RGS7: variants seen among roughly 807,000 people sequenced by gnomAD.
The protein encoded by RGS7 is regulator of G-protein signaling 7.
A neutral mutation model predicts 81.1 loss-of-function variants in RGS7; 27 were observed. The observed-to-expected ratio is 0.33, with a 90% confidence interval of 0.25 to 0.46. The LOEUF (loss-of-function observed/expected upper bound fraction) is 0.46. RGS7 is among the 20% of genes least tolerant of loss of function. The probability of loss-of-function intolerance (pLI) is 1.00; values close to 1 mark genes in which losing one functional copy is unlikely to be tolerated. For missense variants in RGS7, 396 were observed against 607.4 expected (o/e 0.65, Z 3.66); for synonymous variants, 208 against 207.7 (o/e 1.00, Z -0.01).
intron 6 of RGS7, among the ~76,000 whole-genome samples, chr1:240,881,279 C>T (rs140364034): frequency 0.016 from 2,338 of 141,928 alleles, 40 homozygotes; most frequent in Middle Eastern, 0.06. Context: ...TGTTCTCACT[C>T]ATAGGTGGGA....
At chr1:240,958,958 G>A (rs1365324581) in intron 4 of RGS7, among the ~76,000 whole-genome samples, 3 of 152,200 alleles carry the variant, frequency 2.0e-5, no homozygotes, top group African/African-American at 7.2e-5. Context: ...AGACAGGCAG[G>A]CACGCTGCTT....
Position 240,831,630 on chromosome 1 carries a change from C to CTTTTTTTTTTTTTTTT in RGS7, c.610-4474_610-4459dup, listed in dbSNP as rs767275119. Among the ~76,000 whole-genome samples, 3 of 135,400 alleles carry CTTTTTTTTTTTTTTTT rather than the reference C, an allele frequency of 2.2e-5. 1 individual carries two copies. The highest frequency in any genetic ancestry group is 1.6e-5 in the Non-Finnish European group (1 of 62,526). 88.8% of individuals were successfully genotyped at this position (135,400 alleles called of 152,430 possible). A position where few individuals can be genotyped will look rare whatever the true frequency, so the allele number is the denominator to read the frequency against. ...ATGACAACAGAACATTCCAGACATC[C>CTTTTTTTTTTTTTTTT]TTTTTTTTTTTTTTTTTTTCCTGAG... On this transcript the variant is annotated intron_variant, in intron 9 of 18. Coordinates refer to ENST00000440928, the MANE Select transcript of RGS7 (RefSeq NM_001364886.1).
In RGS7 at chr1:241,271,117, T is replaced by C. The variant is rs775279322; in HGVS notation, c.78+84582A>G. On this transcript the variant is annotated intron_variant, in intron 2 of 18. Coordinates refer to ENST00000440928, the MANE Select transcript of RGS7 (RefSeq NM_001364886.1). The surrounding 1 kb of genome is among the most constrained non-coding windows in gnomAD (Gnocchi z 4.6). ...AAGCATTCATCATTGCCGACCTGTG[T>C]GGAATGTGAACCTGAGTATTTTCTA... is the stretch of plus-strand genomic sequence containing the variant. Among the ~76,000 whole-genome samples the C allele has an allele frequency of 3.9e-5, 6 of 152,194 alleles. No individual in the cohort carries two copies. Among genetic ancestry groups the C allele is most frequent in the Non-Finnish European group, 8.8e-5 (6 of 68,028 alleles).
At position 241,252,105 on chromosome 1, in the gene RGS7, G is replaced by A. The variant is rs948758088; in HGVS notation, c.78+103594C>T. Among the ~76,000 whole-genome samples, 5 of 150,352 alleles carry A rather than the reference G, an allele frequency of 3.3e-5. No individual in the cohort carries two copies. In the East Asian group the frequency reaches 5.9e-4, roughly 18 times the overall value. On this transcript the variant is annotated intron_variant, in intron 2 of 18. Coordinates refer to ENST00000440928, the MANE Select transcript of RGS7 (RefSeq NM_001364886.1). ...GTCACCCAGGCTGGAGTGCAATGGT[G>A]TGACCTCGGCTCACTGCAACCTCCA...
intron 2 of RGS7, among the ~76,000 whole-genome samples, chr1:241,325,503 A>G (rs921246769): frequency 1.3e-5 from 2 of 152,220 alleles, no homozygotes; most frequent in Non-Finnish European, 2.9e-5. Flanking sequence ...GGCATCTTTC[A>G]TGTATGCCTA....
chr1:241,012,759 T>C (rs936011558), intron 3 of RGS7, among the ~76,000 whole-genome samples: 2 of 152,204 alleles, frequency 1.3e-5, no homozygotes, highest in African/African-American at 2.4e-5. Flanking sequence ...AGGCTCTCTC[T>C]GAGTCCCCCT....
intron 2 of RGS7, among the ~76,000 whole-genome samples, chr1:241,347,301 G>A (rs2082957588): frequency 6.6e-6 from 1 of 152,122 alleles, no homozygotes; most frequent in Non-Finnish European, 1.5e-5. Context: ...GGGAAGTTGA[G>A]ACACTTGCCC....
chr1:241,247,909 T>C (rs762365685), intron 2 of RGS7, among the ~76,000 whole-genome samples: 3 of 152,220 alleles, frequency 2.0e-5, no homozygotes, highest in Non-Finnish European at 4.4e-5. Context: ...TCTGCAGTAA[T>C]TGGATGATGT....
Position 240,811,023 on chromosome 1 carries a change from T to C in RGS7, c.1082+895A>G, listed in dbSNP as rs80001596. On this transcript the variant is annotated intron_variant, in intron 14 of 18. Coordinates refer to ENST00000440928, the MANE Select transcript of RGS7 (RefSeq NM_001364886.1). ...CAGCGTCCTACATCTTTCTGAATGG[T>C]TTGGGATTCCTACCTGTTAAATCTC... Among the ~76,000 whole-genome samples, 55 of 152,266 alleles carry C rather than the reference T, an allele frequency of 3.6e-4. No individual in the cohort carries two copies. In the East Asian group the frequency reaches 9.1e-3, roughly 25 times the overall value.
intron 2 of RGS7, among the ~76,000 whole-genome samples, chr1:241,169,187 T>C (rs928858734): frequency 6.9e-6 from 1 of 145,360 alleles, no homozygotes; most frequent in African/African-American, 2.8e-5. Flanking sequence ...ATATATATGT[T>C]ATATACATTA....
intron 3 of RGS7, among the ~76,000 whole-genome samples, chr1:241,014,793 G>A (rs1333853669): frequency 6.6e-6 from 1 of 152,178 alleles, no homozygotes; most frequent in Non-Finnish European, 1.5e-5. Flanking sequence ...AAAATCTTGA[G>A]GACGAATACA....
At chr1:240,811,789 G>A (rs554982001) in intron 14 of RGS7, 129 bp downstream of exon 14, 14 of 889,956 alleles carry the variant, frequency 1.6e-5, no homozygotes, top group African/African-American at 1.3e-4. Flanking sequence ...TTAGGTGGCA[G>A]AAATTCAATG....
chr1:240,945,574 T>G (rs1484749215), intron 4 of RGS7, among the ~76,000 whole-genome samples: 1 of 152,234 alleles, frequency 6.6e-6, no homozygotes, highest in Non-Finnish European at 1.5e-5. Flanking sequence ...CTTTTAAAAA[T>G]CACTATTCCT....
chr1:241,121,381 T>C (rs1216741921), intron 2 of RGS7, among the ~76,000 whole-genome samples: 1 of 152,214 alleles, frequency 6.6e-6, no homozygotes, highest in African/African-American at 2.4e-5. Context: ...CCTTGAGGTA[T>C]GTATGCATCT....
At position 240,801,521 on chromosome 1, in the gene RGS7, G is replaced by A. The variant is rs1195154539; in HGVS notation, c.1360-13C>T. On this transcript the variant is annotated splice_polypyrimidine_tract_variant and intron_variant, in intron 16 of 18. Transcript: ENST00000440928. The stretch of plus-strand genomic sequence containing the variant: ...TTGAGTTTCCAGACTTACGTATGTG[G>A]GGTAGGATAGGATGAAGGGAAATAA... The A allele has an allele frequency of 4.4e-6, 7 of 1,582,698 alleles. No homozygotes were observed. Among genetic ancestry groups the A allele is most frequent in the Non-Finnish European group, 6.1e-6 (7 of 1,151,938 alleles).
chr1:241,148,319 G>A (rs941837777), intron 2 of RGS7, among the ~76,000 whole-genome samples: 1 of 152,026 alleles, frequency 6.6e-6, no homozygotes, highest in Admixed American at 6.6e-5. Flanking sequence ...CCAAAGTGCT[G>A]GGATTACAGG....
chr1:240,807,325 A>T (rs556642867), intron 14 of RGS7, among the ~76,000 whole-genome samples: 1 of 152,322 alleles, frequency 6.6e-6, no homozygotes, highest in East Asian at 1.9e-4. Context: ...TAGAAAAAGG[A>T]GCTGCTAGGA....
intron 3 of RGS7, among the ~76,000 whole-genome samples, chr1:241,037,000 A>G (rs1353291259): frequency 1.3e-5 from 2 of 152,240 alleles, no homozygotes; most frequent in Non-Finnish European, 2.9e-5. Flanking sequence ...AAGAGAACTG[A>G]CTAGGGACAT....
intron 2 of RGS7, among the ~76,000 whole-genome samples, chr1:241,179,368 G>A (rs1275693860): frequency 2.0e-5 from 3 of 152,196 alleles, no homozygotes; most frequent in African/African-American, 2.4e-5. Flanking sequence ...AAAGTGCTGG[G>A]ATTCCAGGTG....
Sources: gnomAD v4.1 joint callset for allele counts (sites outside exome capture counted in the v4.1 genomes callset) on GRCh38, gnomAD v4.1.1 for gene constraint, Gnocchi (gnomAD v3.1) non-coding constraint, MANE v1.5 for transcripts, NCBI Gene and HGNC (gene_info 2026-07-23, HGNC 2026-07-21) for gene names.